Variants in ACBD6 observed in about 807,000 individuals in gnomAD.
ACBD6 encodes the protein acyl-CoA binding domain containing 6.
Under a neutral mutation model 37.2 loss-of-function variants are expected in ACBD6, and 28 were observed. The observed-to-expected ratio is 0.75, with a 90% CI of 0.56 to 1.03. ACBD6 has a LOEUF of 1.03. Ranked by LOEUF, ACBD6 falls within the 50% of genes least tolerant of loss-of-function variation. The probability of loss-of-function intolerance (pLI) is 0.00; values close to 1 mark genes in which losing one functional copy is unlikely to be tolerated. For synonymous variants in ACBD6, 113 were observed against 126.8 expected (o/e 0.89, Z 0.73); for missense variants, 340 against 337.4 (o/e 1.01, Z -0.06).
intron 4 of ACBD6, among the ~76,000 whole-genome samples, chr1:180,428,944 A>G (rs1474534709): frequency 6.6e-6 from 1 of 152,186 alleles, no homozygotes; most frequent in Admixed American, 6.5e-5. Flanking sequence ...TAGGGCTCTT[A>G]GGCTAACTCT....
chr1:180,288,778 T>C lies in ACBD6; in HGVS notation c.695-261A>G, dbSNP rs562168842. ...ATATATATTCTAAATTGTGAGGCTT[T>C]TGGGCTCTAGTCTTTAAGAATGGGA... is the stretch of plus-strand genomic sequence containing the variant. On this transcript the variant is annotated intron_variant, in intron 7 of 7. Transcript: ENST00000367595. 7.2e-5 allele frequency among the ~76,000 whole-genome samples: 11 copies of C among 152,312 alleles called. No individual in the cohort carries two copies. In the South Asian group the frequency reaches 2.3e-3, roughly 32 times the overall value.
rs1571446008 is a variant in ACBD6, at chr1:180,391,425, C to T, written c.663+6091G>A. Among the ~76,000 whole-genome samples, 5 of 152,050 alleles carry T rather than the reference C, an allele frequency of 3.3e-5. No homozygotes were observed. The South Asian group carries it at 8.3e-4, about 25-fold the overall frequency. On this transcript the variant is annotated intron_variant, in intron 6 of 7. Coordinates refer to ENST00000367595, the MANE Select transcript of ACBD6 (RefSeq NM_032360.4). Reference sequence around the variant, plus strand: ...ACACATCTGAAACGAGACTTGTATCCAAAACATATAACTCTTATAACTCAA... The same window carrying T: ...ACACATCTGAAACGAGACTTGTATCTAAAACATATAACTCTTATAACTCAA...
At chr1:180,379,199 G>C (rs7544585) in intron 6 of ACBD6, among the ~76,000 whole-genome samples, 100,341 of 151,954 alleles carry the variant, frequency 0.66, 33,213 homozygotes, top group South Asian at 0.76. Context: ...CTACCAGAAT[G>C]AAAACCAAAG....
exon 14 of ACBD6, chr1:180,271,342 A>C: frequency 6.2e-7 from 1 of 1,613,586 alleles, no homozygotes; most frequent in African/African-American, 1.3e-5. Context: ...GCTGCTGCAG[A>C]TAGGCCGAAG....
At chr1:180,438,857 G>A (rs1311284770) in intron 3 of ACBD6, among the ~76,000 whole-genome samples, 5 of 151,954 alleles carry the variant, frequency 3.3e-5, no homozygotes, top group Non-Finnish European at 7.4e-5. Context: ...CCACCACTGC[G>A]GTACCATTCA....
chr1:180,435,414 A>G, intron 3 of ACBD6: 1 of 343,782 alleles, frequency 2.9e-6, no homozygotes, highest in Non-Finnish European at 5.2e-6. Flanking sequence ...ACGCCTGGCT[A>G]ATTTTTTTTT....
intron 6 of ACBD6, among the ~76,000 whole-genome samples, chr1:180,349,258 T>A (rs1250084372): frequency 2.0e-5 from 2 of 102,106 alleles, no homozygotes; most frequent in Admixed American, 1.4e-4. Flanking sequence ...AAATAAAAAA[T>A]TTTAATTTCT....
intron 6 of ACBD6, among the ~76,000 whole-genome samples, chr1:180,337,854 C>A (rs1444773448): frequency 1.3e-5 from 2 of 152,140 alleles, no homozygotes; most frequent in Non-Finnish European, 2.9e-5. Context: ...TTCTTATACA[C>A]CAATAACAGA....
intron 7 of ACBD6, among the ~76,000 whole-genome samples, chr1:180,297,102 T>C (rs140670399): frequency 1.3e-5 from 2 of 152,208 alleles, no homozygotes; most frequent in East Asian, 3.9e-4. Context: ...TTAGCAGTGA[T>C]ATTTCTTCTT....
chr1:180,344,593 A>T (rs1028329184), intron 6 of ACBD6, among the ~76,000 whole-genome samples: 4 of 152,242 alleles, frequency 2.6e-5, no homozygotes, highest in Non-Finnish European at 5.9e-5. Flanking sequence ...TGCAGTAAAG[A>T]AAAAGGAGCA....
intron 5 of ACBD6, among the ~76,000 whole-genome samples, chr1:180,398,539 A>G (rs1654349115): frequency 6.6e-6 from 1 of 152,252 alleles, no homozygotes; most frequent in South Asian, 2.1e-4. Flanking sequence ...TTGACTGTGA[A>G]AGCCACTTGT....
chr1:180,304,772 CA>C (rs1371808361), intron 7 of ACBD6, among the ~76,000 whole-genome samples: 1 of 150,464 alleles, frequency 6.6e-6, no homozygotes, highest in South Asian at 2.1e-4. Flanking sequence ...CACATGGAAC[CA>C]AAAAAGAGCC....
At chr1:180,378,837 A>C (rs1037583462) in intron 6 of ACBD6, among the ~76,000 whole-genome samples, 5 of 151,798 alleles carry the variant, frequency 3.3e-5, no homozygotes, top group Admixed American at 1.3e-4. Flanking sequence ...CATCACAGCC[A>C]CCACCACCAC....
intron 6 of ACBD6, among the ~76,000 whole-genome samples, chr1:180,349,206 C>T (rs1436878679): frequency 6.6e-6 from 1 of 151,580 alleles, no homozygotes; most frequent in Non-Finnish European, 1.5e-5. Flanking sequence ...CCATGCTAAT[C>T]TTCTCTGTAT....
intron 6 of ACBD6, among the ~76,000 whole-genome samples, chr1:180,316,336 GCA>G (rs147480605): frequency 3.8e-4 from 57 of 149,262 alleles, no homozygotes; most frequent in Non-Finnish European, 3.6e-4. Context: ...GCGTGAGTGC[GCA>G]CACACACACA....
rs772781496 is a variant in ACBD6 at position 180,430,252 on chromosome 1, TTCTCTGGTA to T, written c.386_394del (p.Ile129_Glu131del). ...ACCTGTATTTGCTTCTTTTCCTTTC[TTCTCTGGTA>T]TCTGTGGGAAGGAGAAAAAAAAGTG... On this transcript the variant is annotated inframe_deletion and splice_region_variant, in exon 4 of 8. Transcript: ENST00000367595. The T allele has an allele frequency of 3.1e-6, 5 of 1,613,110 alleles. No individual in the cohort carries two copies. Among genetic ancestry groups the T allele is most frequent in the East Asian group, 4.5e-5 (2 of 44,830 alleles).
chr1:180,455,718 G>C (rs575473549), intron 3 of ACBD6, among the ~76,000 whole-genome samples: 1 of 152,036 alleles, frequency 6.6e-6, no homozygotes, highest in South Asian at 2.1e-4. Context: ...TTATGATCTT[G>C]TCCTATTACC....
At chr1:180,309,184 A>T (rs1449783832) in intron 7 of ACBD6, among the ~76,000 whole-genome samples, 9 of 152,198 alleles carry the variant, frequency 5.9e-5, no homozygotes, top group Admixed American at 1.3e-4. Flanking sequence ...ATGGCAGCAC[A>T]CTATATACAC....
At chr1:180,294,142 G>A (rs1370988943) in intron 7 of ACBD6, among the ~76,000 whole-genome samples, 4 of 149,746 alleles carry the variant, frequency 2.7e-5, no homozygotes, top group East Asian at 2.1e-4. Flanking sequence ...TGATCCGCCC[G>A]CCCCAGCCTC....
Sources: gnomAD v4.1 joint callset for allele counts (sites outside exome capture counted in the v4.1 genomes callset) on GRCh38, gnomAD v4.1.1 for gene constraint, MANE v1.5 for transcripts, NCBI Gene and HGNC (gene_info 2026-07-23, HGNC 2026-07-21) for gene names.